The following KCTD1 variants were observed in gnomAD, a reference collection of about 807,000 sequenced individuals.
KCTD1 encodes the protein BTB/POZ domain-containing protein KCTD1.
KCTD1 carries 24 observed loss-of-function variants against 66.0 expected under a neutral mutation model. That is an observed-to-expected ratio of 0.36 (90% CI 0.26 to 0.51). The LOEUF (loss-of-function observed/expected upper bound fraction) is 0.51, where lower values mean the gene tolerates loss of function less well. KCTD1 is among the 20% of genes least tolerant of loss of function. KCTD1 has a pLI of 0.95. For missense variants in KCTD1, 943 were observed against 1,205.2 expected (o/e 0.78, Z 3.22); for synonymous variants, 511 against 517.2 (o/e 0.99, Z 0.16).
chr18:26,472,215 G>A (rs1981105927), intron 3 of KCTD1, among the ~76,000 whole-genome samples: 2 of 151,938 alleles, frequency 1.3e-5, no homozygotes, highest in African/African-American at 2.4e-5. Context: ...AGGGATTCTG[G>A]GTCGGCATTT....
intron 1 of KCTD1, among the ~76,000 whole-genome samples, chr18:26,608,478 C>T (rs1314058536): frequency 1.3e-5 from 2 of 152,174 alleles, no homozygotes; most frequent in Non-Finnish European, 2.9e-5. Flanking sequence ...ATGTTTGTGA[C>T]AGAAAGAACC....
chr18:26,501,308 A>G, intron 1 of KCTD1, 58 bp from the exon 2 acceptor site: 5 of 1,425,830 alleles, frequency 3.5e-6, no homozygotes, highest in South Asian at 1.3e-5. Context: ...AAGATAGGAA[A>G]TACATATAGC....
chr18:26,550,557 G>GACACACACACACACACACACACAC (rs907937404), upstream of KCTD1, among the ~76,000 whole-genome samples: 1 of 83,634 alleles, frequency 1.2e-5, no homozygotes, highest in African/African-American at 6.0e-5. This position sits in a 1 kb window ranked among gnomAD's most constrained non-coding sequence, Gnocchi z 5.4. Flanking sequence ...GGAAACACAA[G>GACACACACACACACACACACACAC]ACACACAGAC....
intron 1 of KCTD1, among the ~76,000 whole-genome samples, chr18:26,571,687 T>C (rs1305421160): frequency 6.6e-6 from 1 of 152,196 alleles, no homozygotes; most frequent in Non-Finnish European, 1.5e-5. Context: ...TCTAAGAATG[T>C]GGAACTTACA....
At chr18:26,466,591 C>T (rs2144560460) in intron 3 of KCTD1, among the ~76,000 whole-genome samples, 1 of 152,090 alleles carries the variant, frequency 6.6e-6, no homozygotes, top group East Asian at 1.9e-4. Context: ...ACAGGACAGC[C>T]CCCACCACAA....
rs776871626 is a variant in KCTD1, at chr18:26,476,094, G to A, written c.2133+421C>T. Among the ~76,000 whole-genome samples, 30 of 152,222 alleles carry A rather than the reference G, an allele frequency of 2.0e-4. No individual in the cohort carries two copies. Among genetic ancestry groups the A allele is most frequent in the African/African-American group, 3.9e-4 (16 of 41,528 alleles). ...CCAGCACAATGTGGGCTATCTCAGC[G>A]TGACTAACCTTAACACTTATTACTA... On this transcript the variant is annotated intron_variant, in intron 3 of 4. Coordinates refer to ENST00000580059, the MANE Select transcript of KCTD1 (RefSeq NM_001142730.3). The surrounding 1 kb of genome is among the most constrained non-coding windows in gnomAD (Gnocchi z 4.9).
chr18:26,606,647 G>A (rs777251515), intron 1 of KCTD1, among the ~76,000 whole-genome samples: 1 of 152,226 alleles, frequency 6.6e-6, no homozygotes, highest in Non-Finnish European at 1.5e-5. Context: ...GCCAAGTGCA[G>A]TGCTGCACAT....
chr18:26,548,532 G>GCCAT lies in KCTD1; in HGVS notation c.1_4dup (p.Ala2AspfsTer11). On this transcript the variant is annotated frameshift_variant, in exon 1 of 5. Coordinates refer to ENST00000580059, the MANE Select transcript of KCTD1 (RefSeq NM_001142730.3). LOFTEE classifies it high-confidence loss of function. ...ACAGTCCCCGCTGCCAGGCATTCTC[G>GCCAT]CCATATTGCCGTCTCTCTGCCAGTC... 2 of 1,230,330 alleles carry GCCAT rather than the reference G, an allele frequency of 1.6e-6. No homozygotes were observed. Among genetic ancestry groups the GCCAT allele is most frequent in the Non-Finnish European group, 2.0e-6 (2 of 989,870 alleles). The allele number at this position is 1,230,330 out of a possible 1,614,324, so 76.2% of individuals were successfully genotyped here.
chr18:26,628,001 C>G (rs899701883), intron 1 of KCTD1, among the ~76,000 whole-genome samples: 1 of 152,160 alleles, frequency 6.6e-6, no homozygotes, highest in African/African-American at 2.4e-5. Context: ...GGCCCCCACC[C>G]CAGTTCCCAC....
At chr18:26,500,195 T>C (rs1005193384) in intron 2 of KCTD1, among the ~76,000 whole-genome samples, 1 of 151,814 alleles carries the variant, frequency 6.6e-6, no homozygotes, top group African/African-American at 2.4e-5. Flanking sequence ...GACGGAAGAA[T>C]TGCTGAGGCC....
intron 1 of KCTD1, among the ~76,000 whole-genome samples, chr18:26,514,697 A>C (rs530312497): frequency 1.2e-4 from 19 of 152,158 alleles, no homozygotes; most frequent in Non-Finnish European, 2.6e-4. Context: ...TCCTGGACCT[A>C]GGTGACATCT....
chr18:26,598,771 C>T (rs998017288), intron 1 of KCTD1, among the ~76,000 whole-genome samples: 1 of 152,104 alleles, frequency 6.6e-6, no homozygotes, highest in African/African-American at 2.4e-5. Context: ...TTTTTATGCG[C>T]TTATTGGCCA....
chr18:26,547,090 C>A lies in KCTD1; in HGVS notation c.1447G>T (p.Ala483Ser). 1 of 1,544,748 alleles carries A rather than the reference C, an allele frequency of 6.5e-7. No homozygotes were observed. The highest frequency in any genetic ancestry group is 8.7e-7 in the Non-Finnish European group (1 of 1,145,540). ...TGGTGCCGTGCCGCCCCGTTCAGAG[C>A]CTCGGCGTAGCAGCCCTGCGGGGCG... ...SPAPQGCYAE[A>S]LNGAARHHSH... The change falls in exon 1 of 5, where the codon GCT becomes TCT. Residue 483 changes from alanine to serine, a missense_variant. This residue lies in a region of KCTD1 where 197 missense variants were observed against 182.7 expected (regional missense o/e 1.08). Coordinates refer to ENST00000580059, the MANE Select transcript of KCTD1 (RefSeq NM_001142730.3).
At chr18:26,517,658 CAA>C (rs968619785) in intron 1 of KCTD1, among the ~76,000 whole-genome samples, 46 of 53,390 alleles carry the variant, frequency 8.6e-4, no homozygotes, top group Admixed American at 4.5e-4. Context: ...ACTCCGTCTC[CAA>C]AAAAAAAAAA....
At chr18:26,570,252 C>G (rs1359203542) in intron 1 of KCTD1, among the ~76,000 whole-genome samples, 1 of 148,828 alleles carries the variant, frequency 6.7e-6, no homozygotes, top group Non-Finnish European at 1.5e-5. Context: ...CAGGGGAAAT[C>G]ATGTTTCAGC....
intron 2 of KCTD1, among the ~76,000 whole-genome samples, chr18:26,483,772 C>T (rs946737580): frequency 6.6e-6 from 1 of 151,980 alleles, no homozygotes; most frequent in Non-Finnish European, 1.5e-5. Flanking sequence ...TGTGTGCACA[C>T]ATGAGAGGCA....
chr18:26,564,602 G>A (rs547654304), intron 1 of KCTD1, among the ~76,000 whole-genome samples: 3 of 152,218 alleles, frequency 2.0e-5, no homozygotes, highest in Admixed American at 1.3e-4. Context: ...TGTAATAACA[G>A]TTTCAGGCCA....
At chr18:26,594,149 T>C (rs1446791000) in intron 1 of KCTD1, among the ~76,000 whole-genome samples, 1 of 152,208 alleles carries the variant, frequency 6.6e-6, no homozygotes, top group Admixed American at 6.5e-5. Flanking sequence ...GGCATTTCTC[T>C]GTGATCTTCT....
At chr18:26,643,763 C>G (rs189043867), upstream of KCTD1, among the ~76,000 whole-genome samples, 2 of 152,122 alleles carry the variant, frequency 1.3e-5, no homozygotes, top group Admixed American at 1.3e-4. Flanking sequence ...GAGATGGAGA[C>G]CATCCTGGCT....
Sources: gnomAD v4.1 joint callset for allele counts (sites outside exome capture counted in the v4.1 genomes callset) on GRCh38, gnomAD v4.1.1 for gene constraint, gnomAD v4.1.1 regional missense constraint, Gnocchi (gnomAD v3.1) non-coding constraint, MANE v1.5 for transcripts, NCBI Gene and HGNC (gene_info 2026-07-23, HGNC 2026-07-21) for gene names.